Variants in RABGEF1 observed in about 807,000 individuals in gnomAD.
RABGEF1 encodes the protein RAB guanine nucleotide exchange factor 1, also known as rab5 GDP/GTP exchange factor.
Under a neutral mutation model 57.3 loss-of-function variants are expected in RABGEF1, and 26 were observed. The observed-to-expected ratio is 0.45, with a 90% CI of 0.33 to 0.63. The LOEUF (loss-of-function observed/expected upper bound fraction) is 0.63, where lower values mean the gene tolerates loss of function less well. RABGEF1 is among the 20% of genes least tolerant of loss of function. RABGEF1 has a pLI of 0.02. For synonymous variants in RABGEF1, 185 were observed against 210.7 expected (o/e 0.88, Z 1.06); for missense variants, 464 against 607.6 (o/e 0.76, Z 2.48).
chr7:66,702,143 A>G (rs1793370676), intron 1 of RABGEF1, among the ~76,000 whole-genome samples: 1 of 152,228 alleles, frequency 6.6e-6, no homozygotes, highest in Non-Finnish European at 1.5e-5. Context: ...TATTAATAGA[A>G]TCAACAGTAG....
At chr7:66,657,747 G>A in the RABGEF1 span, among the ~76,000 whole-genome samples, 3,923 of 152,204 alleles carry the variant, frequency 0.026, 73 homozygotes, top group Non-Finnish European at 0.034. Flanking sequence ...CTTGAACCTG[G>A]GAGAGGGAGG....
At chr7:66,762,736 A>G (rs555670102) in intron 1 of RABGEF1, among the ~76,000 whole-genome samples, 89 of 152,192 alleles carry the variant, frequency 5.8e-4, no homozygotes, top group South Asian at 2.1e-3. Flanking sequence ...CCCCCAAAAG[A>G]ATAATAATAA....
At chr7:66,683,474 C>G (rs987053321) in intron 1 of RABGEF1, among the ~76,000 whole-genome samples, 3 of 152,174 alleles carry the variant, frequency 2.0e-5, no homozygotes, top group Non-Finnish European at 4.4e-5. Flanking sequence ...TTTCTGCTCT[C>G]TAGAAGTTAG....
chr7:66,694,712 G>A (rs1319788757), intron 1 of RABGEF1, among the ~76,000 whole-genome samples: 4 of 152,152 alleles, frequency 2.6e-5, no homozygotes, highest in Non-Finnish European at 4.4e-5. Context: ...TCGGAATCTC[G>A]TGGATTGGCC....
At chr7:66,748,917 G>A in intron 1 of RABGEF1, 1 of 243,514 alleles carries the variant, frequency 4.1e-6, no homozygotes, top group East Asian at 1.0e-4. Flanking sequence ...CTGGTTCTGG[G>A]CACTCTCCAA....
At chr7:66,754,579 A>G (rs1442965800) in intron 1 of RABGEF1, among the ~76,000 whole-genome samples, 1 of 151,760 alleles carries the variant, frequency 6.6e-6, no homozygotes, top group Admixed American at 6.6e-5. Flanking sequence ...CCTTGTAGCT[A>G]CATGTGGTAG....
intron 2 of RABGEF1, among the ~76,000 whole-genome samples, chr7:66,725,787 G>A (rs1006272083): frequency 3.9e-5 from 6 of 152,164 alleles, no homozygotes; most frequent in African/African-American, 1.4e-4. Context: ...AAGGTCTGAG[G>A]GAAGACACAA....
At position 66,745,572 on chromosome 7, in the gene RABGEF1, G is replaced by C. The variant is rs1585108827; in HGVS notation, c.-18+4780G>C. 2.6e-5 allele frequency among the ~76,000 whole-genome samples: 4 copies of C among 152,176 alleles called. No homozygotes were observed. The South Asian group carries it at 8.3e-4, about 32-fold the overall frequency. On this transcript the variant is annotated intron_variant, in intron 1 of 8. Transcript: ENST00000284957. ...ACTTAAGGCCAGGAGTTTGAGACCA[G>C]CCTGGATCAAGATGGCAAAACTCCG...
intron 8 of RABGEF1, among the ~76,000 whole-genome samples, chr7:66,808,218 CTTT>C (rs558669043): frequency 1.4e-5 from 2 of 142,322 alleles, no homozygotes; most frequent in East Asian, 4.1e-4. Context: ...AGAGTTGTTC[CTTT>C]TTTTTTTTTT....
chr7:66,687,386 A>C (rs1016113995), intron 1 of RABGEF1, among the ~76,000 whole-genome samples: 1 of 151,500 alleles, frequency 6.6e-6, no homozygotes, highest in Non-Finnish European at 1.5e-5. Context: ...TCGGCCTCCC[A>C]GAGTGCTGAG....
At chr7:66,683,880 G>A (rs1203122868) in intron 1 of RABGEF1, among the ~76,000 whole-genome samples, 1 of 152,086 alleles carries the variant, frequency 6.6e-6, no homozygotes, top group African/African-American at 2.4e-5. Context: ...AGCTGAGACT[G>A]CAAATGGGTG....
chr7:66,678,564 CAAAAA>C (rs58309880), upstream of RABGEF1, among the ~76,000 whole-genome samples: 2 of 86,194 alleles, frequency 2.3e-5, no homozygotes, highest in African/African-American at 4.7e-5. Flanking sequence ...GAGTCCGTCT[CAAAAA>C]AAAAAAAAAA....
intron 1 of RABGEF1, among the ~76,000 whole-genome samples, chr7:66,692,149 C>T (rs753205577): frequency 2.0e-5 from 3 of 152,212 alleles, no homozygotes; most frequent in Non-Finnish European, 2.9e-5. Flanking sequence ...ATTTCTAGCA[C>T]TCGGTAGCTC....
At chr7:66,758,865 AC>A (rs1203016455) in intron 1 of RABGEF1, among the ~76,000 whole-genome samples, 2 of 152,160 alleles carry the variant, frequency 1.3e-5, no homozygotes, top group Non-Finnish European at 1.5e-5. Flanking sequence ...TTATTAAAAA[AC>A]GTTCATGTGT....
At chr7:66,805,452 G>A in intron 8 of RABGEF1, 56 bp downstream of exon 8, 1 of 1,599,458 alleles carries the variant, frequency 6.3e-7, no homozygotes, top group Non-Finnish European at 8.5e-7. Context: ...GGTGGTTTTG[G>A]GGATGTGACA....
intron 1 of RABGEF1, among the ~76,000 whole-genome samples, chr7:66,705,362 A>G (rs1019091441): frequency 6.6e-6 from 1 of 151,506 alleles, no homozygotes; most frequent in African/African-American, 2.4e-5. Context: ...ACTTGAACCC[A>G]GGAGGCAAAG....
intron 1 of RABGEF1, among the ~76,000 whole-genome samples, chr7:66,766,406 T>C (rs952249660): frequency 6.6e-6 from 1 of 152,190 alleles, no homozygotes; most frequent in African/African-American, 2.4e-5. Context: ...TATCTTTATC[T>C]CTTACTATAG....
At chr7:66,758,255 A>C (rs764215188) in intron 1 of RABGEF1, among the ~76,000 whole-genome samples, 2 of 152,178 alleles carry the variant, frequency 1.3e-5, no homozygotes, top group South Asian at 2.1e-4. Flanking sequence ...CCAGAGCCTT[A>C]AGAAAGAACA....
At chr7:66,701,879 TTGA>T (rs1420424313) in intron 1 of RABGEF1, among the ~76,000 whole-genome samples, 2 of 152,228 alleles carry the variant, frequency 1.3e-5, no homozygotes, top group Admixed American at 6.5e-5. Context: ...AATTTTTTTA[TTGA>T]TGACTGTTTT....
Sources: allele counts gnomAD v4.1 joint callset (sites outside exome capture counted in the v4.1 genomes callset), GRCh38; gene constraint gnomAD v4.1.1; transcripts MANE v1.5; gene names NCBI Gene and HGNC (gene_info 2026-07-23, HGNC 2026-07-21).